The following SLC9A3 variants were observed in gnomAD, a reference collection of about 807,000 sequenced individuals.
SLC9A3 encodes the protein sodium/hydrogen exchanger 3.
In SLC9A3, 37 loss-of-function variants were observed where a neutral mutation model predicts 86.8. The observed-to-expected ratio is 0.43, with a 90% confidence interval of 0.33 to 0.56. The LOEUF is 0.56. SLC9A3 is among the 20% of genes least tolerant of loss of function. The pLI, the probability that SLC9A3 is intolerant of heterozygous loss-of-function variation, is 0.06. For synonymous variants in SLC9A3, 581 were observed against 528.3 expected, an observed-to-expected ratio of 1.10 and a Z score of -1.37; for missense variants, 1,011 against 1,171.9, an observed-to-expected ratio of 0.86 and a Z score of 2.00.
In SLC9A3 at chr5:484,075, C is replaced by A. The variant is rs552795850; in HGVS notation, c.932+445G>T. Among the ~76,000 whole-genome samples, 159 of 152,024 alleles carry A rather than the reference C, an allele frequency of 1.0e-3. 2 individuals carry two copies. Among genetic ancestry groups the A allele is most frequent in the African/African-American group, 3.7e-3 (154 of 41,422 alleles). On this transcript the variant is annotated intron_variant, in intron 5 of 16. Transcript: ENST00000264938. The stretch of plus-strand genomic sequence containing the variant: ...GGCACCTCCCTCCGAGTTGGGGTCC[C>A]CCTGGCTGGCTCACCCCGCCGGACC...
At position 508,119 on chromosome 5, in the gene SLC9A3, A is replaced by C. The variant is rs532998474; in HGVS notation, c.211+15993T>G. Among the ~76,000 whole-genome samples the C allele has an allele frequency of 3.4e-4, 52 of 152,366 alleles. No individual in the cohort carries two copies. In the South Asian group the frequency reaches 0.01, roughly 30 times the overall value. On this transcript the variant is annotated intron_variant, in intron 1 of 16. Coordinates refer to ENST00000264938, the MANE Select transcript of SLC9A3 (RefSeq NM_004174.4). Reference sequence around the variant, plus strand: ...CCAGGGGAAGGGGTGACCAGTGCTCAGGCGCGGAGCCCAGCTATGGAATCA... The same window carrying C: ...CCAGGGGAAGGGGTGACCAGTGCTCCGGCGCGGAGCCCAGCTATGGAATCA...
Position 484,774 on chromosome 5 carries a change from G to A in SLC9A3, c.755-77C>T, listed in dbSNP as rs545359981. On this transcript the variant is annotated intron_variant, in intron 4 of 16. Transcript: ENST00000264938. ...GCCAGGGGCCGCCTGGTGACCCCGCGGAAGTGCCGGGAGCCCGGGAAACGG... is the reference window on the plus strand; with the variant it reads ...GCCAGGGGCCGCCTGGTGACCCCGCAGAAGTGCCGGGAGCCCGGGAAACGG... The A allele has an allele frequency of 6.5e-4, 912 of 1,411,490 alleles. 1 individual carries two copies. Among genetic ancestry groups the A allele is most frequent in the Non-Finnish European group, 8.2e-4 (827 of 1,012,862 alleles). The allele number at this position is 1,411,490 out of a possible 1,614,324, so 87.4% of individuals were successfully genotyped here.
At position 475,114 on chromosome 5, in the gene SLC9A3, AAC is replaced by A; in HGVS notation, c.2268_2269del (p.Pro759GlyfsTer84). On this transcript the variant is annotated frameshift_variant, in exon 16 of 17. Coordinates refer to ENST00000264938, the MANE Select transcript of SLC9A3 (RefSeq NM_004174.4). LOFTEE classifies it high-confidence loss of function. ...GCGGTCCAGGGCCTCGTCCGGAGAA[AAC>A]ACAGGGTTGTCAATTCCTAGGAGAG... is the stretch of plus-strand genomic sequence containing the variant. The A allele has an allele frequency of 6.2e-7, 1 of 1,600,154 alleles. No homozygotes were observed. The highest frequency in any genetic ancestry group is 8.5e-7 in the Non-Finnish European group (1 of 1,172,398).
At chr5:475,195 G>C in intron 15 of SLC9A3, 63 bp from the exon 16 acceptor site, 1 of 1,495,492 alleles carries the variant, frequency 6.7e-7, no homozygotes, top group Non-Finnish European at 8.9e-7. Context: ...GGGAGACCTC[G>C]CCGGGGCCGT....
Position 482,174 on chromosome 5 carries a change from C to A in SLC9A3, c.1357-17G>T, listed in dbSNP as rs368405704. 1.3e-6 allele frequency: 2 copies of A among 1,591,218 alleles called. No individual in the cohort carries two copies. Among genetic ancestry groups the A allele is most frequent in the Admixed American group, 1.7e-5 (1 of 59,690 alleles). ...GGTCAGGCCCTGGAGGACAGGGTCT[C>A]GTGACCCTGGTGCCAGGCAGCCCCC... On this transcript the variant is annotated splice_polypyrimidine_tract_variant and intron_variant, in intron 7 of 16. Transcript: ENST00000264938.
Position 483,377 on chromosome 5 carries a change from G to A in SLC9A3, c.1038C>T (p.Ala346=), listed in dbSNP as rs375784007. 1.1e-5 allele frequency: 18 copies of A among 1,571,450 alleles called. No homozygotes were observed. In the African/African-American group the frequency reaches 1.2e-4, roughly 11 times the overall value. The part of the protein sequence containing the change: ...RYTMKMLASS[A]ETIIFMFLGI... ...CCAGGAACATGAAGATGATGGTCTC[G>A]GCGCTGCTGGCCAGCATCTTCATGG... The change falls in exon 6 of 17, where the codon GCC becomes GCT. Residue 346 remains alanine, a synonymous_variant. Transcript: ENST00000264938.
chr5:480,153 A>G (rs1365283419), intron 9 of SLC9A3, 188 bp from the exon 10 acceptor site: 1 of 594,976 alleles, frequency 1.7e-6, no homozygotes, highest in African/African-American at 1.9e-5. Context: ...GTCCTGTTGG[A>G]TGGAGGCCGT....
chr5:499,813 T>C (rs1740181209), intron 1 of SLC9A3, among the ~76,000 whole-genome samples: 1 of 152,160 alleles, frequency 6.6e-6, no homozygotes, highest in African/African-American at 2.4e-5. Context: ...TCTCCGTAGA[T>C]CAGCAGAAGG....
intron 15 of SLC9A3, 79 bp downstream of exon 15, chr5:475,482 T>C: frequency 1.2e-6 from 1 of 831,584 alleles, no homozygotes; most frequent in Non-Finnish European, 2.0e-6. Context: ...CCAGTGCCCC[T>C]GGTCCAATGA....
At chr5:505,729 G>T (rs1214274519) in intron 1 of SLC9A3, among the ~76,000 whole-genome samples, 2 of 69,290 alleles carry the variant, frequency 2.9e-5, no homozygotes, top group African/African-American at 5.3e-5. Flanking sequence ...CACGGAGAGG[G>T]GAGAGTGACT....
chr5:480,993 G>A (rs992912390), intron 9 of SLC9A3: 4 of 152,382 alleles, frequency 2.6e-5, no homozygotes, highest in Admixed American at 6.5e-5. Context: ...GGGTTCAAGC[G>A]ATTCTTGTGC....
chr5:513,938 CA>C (rs1733650015), intron 1 of SLC9A3, among the ~76,000 whole-genome samples: 1 of 152,246 alleles, frequency 6.6e-6, no homozygotes, highest in Non-Finnish European at 1.5e-5. Context: ...CACGCACAGC[CA>C]CTGGAGCTTC....
In SLC9A3 at chr5:496,868, T is replaced by C. The variant is rs1263370795; in HGVS notation, c.212-4797A>G. Among the ~76,000 whole-genome samples the C allele has an allele frequency of 6.6e-6, 1 of 151,836 alleles. No homozygotes were observed. The highest frequency in any genetic ancestry group is 1.5e-5 in the Non-Finnish European group (1 of 67,988). Reference sequence around the variant, plus strand: ...GAGTTCGAGACCAGCCTGGGCAACATGGCGAAACCCCATCTTTACAAAAAA... The same window carrying C: ...GAGTTCGAGACCAGCCTGGGCAACACGGCGAAACCCCATCTTTACAAAAAA... On this transcript the variant is annotated intron_variant, in intron 1 of 16. Transcript: ENST00000264938. The surrounding 1 kb of genome is among the most constrained non-coding windows in gnomAD (Gnocchi z 4.7).
At chr5:513,788 G>C (rs1560975303) in intron 1 of SLC9A3, among the ~76,000 whole-genome samples, 1 of 152,242 alleles carries the variant, frequency 6.6e-6, no homozygotes, top group African/African-American at 2.4e-5. Flanking sequence ...GTTCCTGACA[G>C]CTCCTTCTCA....
At chr5:473,829 G>A (rs540502132) in intron 16 of SLC9A3, among the ~76,000 whole-genome samples, 1 of 152,338 alleles carries the variant, frequency 6.6e-6, no homozygotes, top group South Asian at 2.1e-4. Context: ...CCGGGTCTGC[G>A]GGGCCGGCCC....
Position 473,187 on chromosome 5 carries a change from G to T in SLC9A3, c.*192C>A. 5.4e-6 allele frequency: 3 copies of T among 553,246 alleles called. No individual in the cohort carries two copies. The highest frequency in any genetic ancestry group is 7.9e-6 in the Non-Finnish European group (3 of 377,742). 34.3% of individuals were successfully genotyped at this position (553,246 alleles called of 1,614,324 possible). Reference sequence around the variant, plus strand: ...AGGCCCCGCCCCCGGCTCGCCCTCGGGCGGCTCTGCGGGCGCAGGCGCGGC... The same window carrying T: ...AGGCCCCGCCCCCGGCTCGCCCTCGTGCGGCTCTGCGGGCGCAGGCGCGGC... On this transcript the variant is annotated 3_prime_UTR_variant, in exon 17 of 17. Coordinates refer to ENST00000264938, the MANE Select transcript of SLC9A3 (RefSeq NM_004174.4).
At position 472,779 on chromosome 5, in the gene SLC9A3, G is replaced by C. The variant is rs982875433; in HGVS notation, c.*600C>G. ...CGCTGCAGGTCGGGCCCTGAGTCCT[G>C]GCGCTCGGGAGGTCCCTGAGTCGGT... On this transcript the variant is annotated 3_prime_UTR_variant, in exon 17 of 17. Coordinates refer to ENST00000264938, the MANE Select transcript of SLC9A3 (RefSeq NM_004174.4). 5 of 584,162 alleles carry C rather than the reference G, an allele frequency of 8.6e-6. No individual in the cohort carries two copies. Among genetic ancestry groups the C allele is most frequent in the Non-Finnish European group, 1.6e-5 (5 of 309,264 alleles). The allele number at this position is 584,162 out of a possible 1,614,324, so 36.2% of individuals were successfully genotyped here. A position where few individuals can be genotyped will look rare whatever the true frequency, so the allele number is the denominator to read the frequency against.
At chr5:484,807 T>C in intron 4 of SLC9A3, 110 bp from the exon 5 acceptor site, 2 of 1,006,316 alleles carry the variant, frequency 2.0e-6, no homozygotes, top group South Asian at 3.0e-5. Flanking sequence ...CGGGGGTGGA[T>C]CCCTCACTCT....
chr5:485,191 C>A lies in SLC9A3; in HGVS notation c.716G>T (p.Gly239Val). ...GCAGTCCACGCCAGTCACGTTGTCACCTCCCAGCGCCACGAAAGATTCAAA... is the reference window on the plus strand; with the variant it reads ...GCAGTCCACGCCAGTCACGTTGTCAACTCCCAGCGCCACGAAAGATTCAAA... ...NVFESFVALG[G>V]DNVTGVDCVK... The change falls in exon 4 of 17, where the codon GGT (glycine) becomes GTT (valine). Residue 239 changes from glycine to valine, a missense_variant. Transcript: ENST00000264938. The A allele has an allele frequency of 6.2e-7, 1 of 1,613,944 alleles. No homozygotes were observed. The highest frequency in any genetic ancestry group is 8.5e-7 in the Non-Finnish European group (1 of 1,179,998).
Sources: gnomAD v4.1 joint callset for allele counts (sites outside exome capture counted in the v4.1 genomes callset) on GRCh38, gnomAD v4.1.1 for gene constraint, Gnocchi (gnomAD v3.1) non-coding constraint, MANE v1.5 for transcripts, NCBI Gene and HGNC (gene_info 2026-07-23, HGNC 2026-07-21) for gene names.